Variants in SPIDR observed in about 807,000 individuals in gnomAD.
The protein encoded by SPIDR is DNA repair-scaffolding protein.
Under a neutral mutation model 104.6 loss-of-function variants are expected in SPIDR, and 93 were observed. That is an observed-to-expected ratio of 0.89 (90% CI 0.75 to 1.06). The LOEUF is 1.06. Ranked by LOEUF, SPIDR falls within the 50% of genes least tolerant of loss-of-function variation. The probability of loss-of-function intolerance (pLI) is 0.00; values close to 1 mark genes in which losing one functional copy is unlikely to be tolerated. For synonymous variants in SPIDR, 431 were observed against 416.9 expected, an observed-to-expected ratio of 1.03 and a Z score of -0.41; for missense variants, 1,154 against 1,111.2, an observed-to-expected ratio of 1.04 and a Z score of -0.55.
chr8:47,686,001 A>T (rs928725779), intron 11 of SPIDR, among the ~76,000 whole-genome samples: 3 of 152,114 alleles, frequency 2.0e-5, no homozygotes, highest in Non-Finnish European at 4.4e-5. Context: ...ACACAAGGAA[A>T]GGGAGGGAGG....
intron 5 of SPIDR, among the ~76,000 whole-genome samples, chr8:47,300,228 T>C (rs892663453): frequency 2.0e-5 from 3 of 152,224 alleles, no homozygotes; most frequent in Non-Finnish European, 4.4e-5. Context: ...GATTTTCTAA[T>C]TTATTTGTGT....
chr8:47,406,835 C>T (rs1317186015), intron 6 of SPIDR, among the ~76,000 whole-genome samples: 4 of 152,148 alleles, frequency 2.6e-5, no homozygotes, highest in African/African-American at 9.7e-5. Flanking sequence ...CTTAACCTCT[C>T]TCTAAATTCT....
chr8:47,402,930 T>C (rs1435170131), intron 6 of SPIDR, among the ~76,000 whole-genome samples: 1 of 152,208 alleles, frequency 6.6e-6, no homozygotes, highest in African/African-American at 2.4e-5. Context: ...ATATCTCTGA[T>C]GAACATCAAT....
chr8:47,504,354 A>G (rs1341666172), intron 8 of SPIDR, among the ~76,000 whole-genome samples: 8 of 151,526 alleles, frequency 5.3e-5, no homozygotes, highest in African/African-American at 1.9e-4. Flanking sequence ...TTTTTTCTCT[A>G]AACTTCTCTT....
intron 5 of SPIDR, among the ~76,000 whole-genome samples, chr8:47,349,792 T>C (rs531966186): frequency 3.3e-5 from 5 of 152,338 alleles, no homozygotes; most frequent in East Asian, 1.9e-4. Flanking sequence ...CGGGATGTAA[T>C]GTCCTGGTGT....
In SPIDR at chr8:47,712,677, C is replaced by T. The variant is rs748480228; in HGVS notation, c.1993C>T (p.Leu665Phe). 1.6e-5 allele frequency: 26 copies of T among 1,614,070 alleles called. No individual in the cohort carries two copies. In the South Asian group the frequency reaches 2.6e-4, roughly 16 times the overall value. ...CAAATTGTAGCTGAAGAGTCTGCTG[C>T]TTCTGGAGCAAAGGGAGATCTGGCT... ...YQKPQLKSLLLLEQREIWLLV... is the reference protein window; with the variant it reads ...YQKPQLKSLLFLEQREIWLLV... Residue 665 changes from leucine (L) to phenylalanine (F), a missense_variant, in exon 15 of 20, where the codon CTT becomes TTT. By Grantham distance (22) the Leu-to-Phe change is conservative. Transcript: ENST00000297423.
chr8:47,483,512 A>G (rs1279730781), intron 8 of SPIDR, among the ~76,000 whole-genome samples: 4 of 152,212 alleles, frequency 2.6e-5, no homozygotes, highest in African/African-American at 9.6e-5. Context: ...TCCCAAAAGT[A>G]GTCAGTGTAG....
intron 8 of SPIDR, among the ~76,000 whole-genome samples, chr8:47,594,196 CAAAAAAAAAAAAA>C (rs372928071): frequency 1.9e-5 from 1 of 53,546 alleles, no homozygotes; most frequent in Admixed American, 2.9e-4. Context: ...CCAGTCTCTA[CAAAAAAAAAAAAA>C]AAAAAAAAAA....
At chr8:47,618,846 G>T (rs2064722711) in intron 10 of SPIDR, among the ~76,000 whole-genome samples, 1 of 152,204 alleles carries the variant, frequency 6.6e-6, no homozygotes, top group South Asian at 2.1e-4. Context: ...AATGTGAACA[G>T]TCTGTGTTAA....
chr8:47,445,607 G>A (rs1161174221), intron 8 of SPIDR, among the ~76,000 whole-genome samples: 4 of 152,222 alleles, frequency 2.6e-5, no homozygotes, highest in Admixed American at 6.5e-5. Flanking sequence ...AGTGAGGAAA[G>A]CATGTCAAAA....
At position 47,689,453 on chromosome 8, in the gene SPIDR, T is replaced by G. The variant is rs1005885353; in HGVS notation, c.1686-10950T>G. 2.0e-5 allele frequency among the ~76,000 whole-genome samples: 3 copies of G among 152,190 alleles called. 1 individual carries two copies. Among genetic ancestry groups the G allele is most frequent in the Admixed American group, 1.3e-4 (2 of 15,278 alleles). On this transcript the variant is annotated intron_variant, in intron 11 of 19. Coordinates refer to ENST00000297423, the MANE Select transcript of SPIDR (RefSeq NM_001080394.4). ...TTTTGTGTGATCTTCAAAATAAGTCTCAGAAGCAGATATTATTTTACCCAC... is the reference window on the plus strand; with the variant it reads ...TTTTGTGTGATCTTCAAAATAAGTCGCAGAAGCAGATATTATTTTACCCAC...
At chr8:47,280,372 T>C (rs1263609358) in intron 2 of SPIDR, among the ~76,000 whole-genome samples, 1 of 150,478 alleles carries the variant, frequency 6.6e-6, no homozygotes, top group East Asian at 1.9e-4. Flanking sequence ...GGACTACAGG[T>C]ATGTGCCGCC....
intron 8 of SPIDR, among the ~76,000 whole-genome samples, chr8:47,506,440 C>A (rs367941565): frequency 6.6e-6 from 1 of 152,046 alleles, no homozygotes; most frequent in Non-Finnish European, 1.5e-5. Flanking sequence ...TCAGGGTGAT[C>A]GTTCTTTCTT....
intron 19 of SPIDR, among the ~76,000 whole-genome samples, chr8:47,734,249 G>A (rs2154495226): frequency 6.6e-6 from 1 of 152,200 alleles, no homozygotes; most frequent in African/African-American, 2.4e-5. Context: ...CGGGCCAGCT[G>A]GAAGCTGGGC....
intron 8 of SPIDR, among the ~76,000 whole-genome samples, chr8:47,535,405 A>T (rs12114231): frequency 0.013 from 1,992 of 151,520 alleles, 49 homozygotes; most frequent in African/African-American, 0.045. Context: ...GATAACAAAT[A>T]ACTAATTCTA....
At chr8:47,645,883 T>TA (rs2070248802) in intron 10 of SPIDR, among the ~76,000 whole-genome samples, 1 of 152,188 alleles carries the variant, frequency 6.6e-6, no homozygotes, top group African/African-American at 2.4e-5. Flanking sequence ...ACTGAAATCG[T>TA]AAAAGTTCTA....
At chr8:47,567,159 A>G (rs977195363) in intron 8 of SPIDR, among the ~76,000 whole-genome samples, 2 of 151,930 alleles carry the variant, frequency 1.3e-5, no homozygotes, top group Non-Finnish European at 2.9e-5. Context: ...TTCTGGTTGC[A>G]TTTAATTCAT....
At chr8:47,342,212 C>G (rs1291019553) in intron 5 of SPIDR, among the ~76,000 whole-genome samples, 1 of 151,866 alleles carries the variant, frequency 6.6e-6, no homozygotes, top group South Asian at 2.1e-4. Context: ...CTAGGGCAGG[C>G]CTGACCTCCT....
intron 8 of SPIDR, among the ~76,000 whole-genome samples, chr8:47,548,589 A>C (rs1373527283): frequency 6.6e-6 from 1 of 152,218 alleles, no homozygotes; most frequent in Non-Finnish European, 1.5e-5. Context: ...CTGAAGTTGC[A>C]GTCAGCTGCG....
Sources: gnomAD v4.1 joint callset for allele counts (sites outside exome capture counted in the v4.1 genomes callset) on GRCh38, gnomAD v4.1.1 for gene constraint, MANE v1.5 for transcripts, NCBI Gene and HGNC (gene_info 2026-07-23, HGNC 2026-07-21) for gene names.